ERBB4: variants seen among roughly 807,000 people sequenced by gnomAD.
ERBB4 encodes the protein erb-b2 receptor tyrosine kinase 4.
In ERBB4, 42 loss-of-function variants were observed where a neutral mutation model predicts 158.0. The ratio of observed to expected loss-of-function variants is 0.27; its 90% CI spans 0.21 to 0.34. The LOEUF is 0.34. Among genes scored for constraint, ERBB4 ranks in the 10% least tolerant of loss-of-function variants. The pLI, the probability that ERBB4 is intolerant of heterozygous loss-of-function variation, is 1.00. For synonymous variants in ERBB4, 583 were observed against 558.7 expected (o/e 1.04, Z -0.61); for missense variants, 1,333 against 1,624.1 (o/e 0.82, Z 3.08).
intron 1 of ERBB4, among the ~76,000 whole-genome samples, chr2:212,505,761 T>C (rs897947597): frequency 6.7e-6 from 1 of 148,924 alleles, no homozygotes; most frequent in Non-Finnish European, 1.5e-5. Context: ...AGCATGCCAA[T>C]GCTTATCTTG....
At chr2:211,448,414 A>AT (rs1465399530) in intron 20 of ERBB4, among the ~76,000 whole-genome samples, 3 of 152,004 alleles carry the variant, frequency 2.0e-5, no homozygotes, top group Non-Finnish European at 4.4e-5. Flanking sequence ...GCCATTTATG[A>AT]TTTTTTAAAG....
chr2:212,530,924 T>C (rs1429377775), intron 1 of ERBB4, among the ~76,000 whole-genome samples: 1 of 152,218 alleles, frequency 6.6e-6, no homozygotes, highest in Non-Finnish European at 1.5e-5. Context: ...ATGTTCGAAA[T>C]GAAATATATT....
rs534932872 is a variant in ERBB4 at position 212,485,813 on chromosome 2, T to C, written c.82+52636A>G. 5.3e-5 allele frequency among the ~76,000 whole-genome samples: 8 copies of C among 152,218 alleles called. No homozygotes were observed. In the South Asian group the frequency reaches 1.2e-3, roughly 24 times the overall value. On this transcript the variant is annotated intron_variant, in intron 1 of 27. Coordinates refer to ENST00000342788, the MANE Select transcript of ERBB4 (RefSeq NM_005235.3). ...AAGGGCTTTCTCATAGGTGGCACCT[T>C]CTCACTGTGTCCTCACATGCTGAAA...
Position 212,538,668 on chromosome 2 carries a change from G to C in ERBB4, c.-138C>G. ...GCGGGCGCGGCGCGCGCGGTGTGGCGACTCCCAGGGCGGGCGACCGAGTCC... is the reference window on the plus strand; with the variant it reads ...GCGGGCGCGGCGCGCGCGGTGTGGCCACTCCCAGGGCGGGCGACCGAGTCC... On this transcript the variant is annotated 5_prime_UTR_variant, in exon 1 of 28. Transcript: ENST00000342788. 1.3e-6 allele frequency: 1 copy of C among 752,982 alleles called. No individual in the cohort carries two copies. Among genetic ancestry groups the C allele is most frequent in the Non-Finnish European group, 2.1e-6 (1 of 484,906 alleles). The allele number at this position is 752,982 out of a possible 1,614,324, so 46.6% of individuals were successfully genotyped here. A position where few individuals can be genotyped will look rare whatever the true frequency, so the allele number is the denominator to read the frequency against.
chr2:211,848,453 CT>C (rs2077641763), intron 3 of ERBB4, among the ~76,000 whole-genome samples: 2 of 152,040 alleles, frequency 1.3e-5, no homozygotes, highest in Non-Finnish European at 1.5e-5. Flanking sequence ...AAGTCCATTG[CT>C]TTCTGGGCTT....
intron 2 of ERBB4, among the ~76,000 whole-genome samples, chr2:211,972,760 TG>T (rs1324890532): frequency 6.6e-6 from 1 of 152,158 alleles, no homozygotes; most frequent in African/African-American, 2.4e-5. Flanking sequence ...TTATTCAAGA[TG>T]GACTAAAGAT....
At chr2:212,523,279 A>G (rs1692272066) in intron 1 of ERBB4, among the ~76,000 whole-genome samples, 1 of 151,864 alleles carries the variant, frequency 6.6e-6, no homozygotes, top group African/African-American at 2.4e-5. Context: ...TTTATCTCCC[A>G]GCCACAAATG....
chr2:212,017,410 GA>G (rs764352301), intron 2 of ERBB4, among the ~76,000 whole-genome samples: 28 of 152,012 alleles, frequency 1.8e-4, no homozygotes, highest in Non-Finnish European at 3.2e-4. Flanking sequence ...TGAAAAGGTT[GA>G]AAAGAATCTC....
chr2:212,144,155 T>C (rs1332541945), intron 1 of ERBB4, among the ~76,000 whole-genome samples: 2 of 152,134 alleles, frequency 1.3e-5, no homozygotes, highest in African/African-American at 2.4e-5. Context: ...GTTGGATGCA[T>C]GCTAACTTTT....
intron 1 of ERBB4, among the ~76,000 whole-genome samples, chr2:212,170,569 G>A (rs2081484518): frequency 6.6e-6 from 1 of 152,166 alleles, no homozygotes; most frequent in South Asian, 2.1e-4. Flanking sequence ...CAGGCACGTA[G>A]GCCAAGGAGG....
chr2:212,112,196 C>T (rs2125542395), intron 2 of ERBB4, among the ~76,000 whole-genome samples: 1 of 152,226 alleles, frequency 6.6e-6, no homozygotes, highest in African/African-American at 2.4e-5. Flanking sequence ...CAAGGTCTCA[C>T]TTTGCTGCCC....
chr2:211,714,748 G>C (rs1319369970), intron 7 of ERBB4, among the ~76,000 whole-genome samples: 1 of 152,148 alleles, frequency 6.6e-6, no homozygotes, highest in African/African-American at 2.4e-5. Flanking sequence ...ATCATGAACA[G>C]GGTTTTGCTA....
At chr2:212,468,726 T>C (rs540903314) in intron 1 of ERBB4, among the ~76,000 whole-genome samples, 8 of 152,204 alleles carry the variant, frequency 5.3e-5, no homozygotes, top group Non-Finnish European at 1.2e-4. Context: ...GTAGAACCAA[T>C]GCTGGGAGTA....
intron 12 of ERBB4, among the ~76,000 whole-genome samples, chr2:211,680,926 A>C (rs557696400): frequency 6.6e-6 from 1 of 152,330 alleles, no homozygotes; most frequent in South Asian, 2.1e-4. Context: ...AAGTGCTGAC[A>C]TCATGAACCA....
chr2:211,571,247 T>A (rs1232203198), intron 19 of ERBB4, among the ~76,000 whole-genome samples: 1 of 152,008 alleles, frequency 6.6e-6, no homozygotes, highest in Non-Finnish European at 1.5e-5. Flanking sequence ...TTTGTTTTAG[T>A]CTGCAGTCTC....
intron 20 of ERBB4, among the ~76,000 whole-genome samples, chr2:211,456,647 A>G (rs1306213972): frequency 6.6e-6 from 1 of 152,124 alleles, no homozygotes; most frequent in East Asian, 1.9e-4. Flanking sequence ...TTTAGGATCC[A>G]GGGACTGGTT....
intron 20 of ERBB4, among the ~76,000 whole-genome samples, chr2:211,447,179 C>T (rs2064131443): frequency 6.6e-6 from 1 of 152,046 alleles, no homozygotes; most frequent in East Asian, 1.9e-4. Context: ...AGTTGGACTA[C>T]CTTTATATGA....
At chr2:212,134,975 C>T (rs138973709) in intron 1 of ERBB4, among the ~76,000 whole-genome samples, 3,288 of 152,114 alleles carry the variant, frequency 0.022, 123 homozygotes, top group African/African-American at 0.075. Context: ...CGTGAGCCAC[C>T]GCGCCTGGCC....
intron 19 of ERBB4, among the ~76,000 whole-genome samples, chr2:211,578,671 T>G (rs1475985096): frequency 6.6e-6 from 1 of 152,174 alleles, no homozygotes; most frequent in Non-Finnish European, 1.5e-5. Flanking sequence ...TCATCTGATT[T>G]TTTAAACAGC....
Sources: gnomAD v4.1 joint callset for allele counts (sites outside exome capture counted in the v4.1 genomes callset) on GRCh38, gnomAD v4.1.1 for gene constraint, MANE v1.5 for transcripts, NCBI Gene and HGNC (gene_info 2026-07-23, HGNC 2026-07-21) for gene names.